Variants in RBM47 observed in about 807,000 individuals in gnomAD.
RBM47 encodes RNA binding motif protein 47.
A neutral mutation model predicts 47.1 loss-of-function variants in RBM47; 21 were observed. That is an observed-to-expected ratio of 0.45 (90% CI 0.32 to 0.64). RBM47 has a LOEUF of 0.64. RBM47 is among the 30% of genes least tolerant of loss of function. The pLI is 0.05. For missense variants in RBM47, 708 were observed against 870.9 expected, an observed-to-expected ratio of 0.81 and a Z score of 2.35; for synonymous variants, 375 against 361.7, an observed-to-expected ratio of 1.04 and a Z score of -0.42.
chr4:40,459,891 A>C (rs1406826184), intron 3 of RBM47, among the ~76,000 whole-genome samples: 1 of 152,178 alleles, frequency 6.6e-6, no homozygotes, highest in Non-Finnish European at 1.5e-5. Context: ...GGTAGCTGGG[A>C]TTATAGGCAT....
intron 1 of RBM47, among the ~76,000 whole-genome samples, chr4:40,602,271 T>C (rs1456804158): frequency 6.6e-6 from 1 of 152,174 alleles, no homozygotes; most frequent in South Asian, 2.1e-4. Flanking sequence ...AGAGATGTTC[T>C]AAAGAGGAAA....
intron 3 of RBM47, among the ~76,000 whole-genome samples, chr4:40,445,246 C>A (rs1465417936): frequency 6.7e-6 from 1 of 148,492 alleles, no homozygotes; most frequent in Non-Finnish European, 1.5e-5. Context: ...TGCACTCCAG[C>A]CTGGGCGACA....
chr4:40,430,294 G>A (rs1281878574), intron 6 of RBM47, among the ~76,000 whole-genome samples: 1 of 152,158 alleles, frequency 6.6e-6, no homozygotes, highest in Admixed American at 6.5e-5. Flanking sequence ...ACTGATAGGA[G>A]ACAGAAATAG....
intron 1 of RBM47, among the ~76,000 whole-genome samples, chr4:40,546,554 G>A (rs532694200): frequency 1.3e-5 from 2 of 152,078 alleles, no homozygotes; most frequent in South Asian, 2.1e-4. Context: ...AGACTACAAC[G>A]TACCTCTTGG....
At chr4:40,602,562 G>A (rs1272179620) in intron 1 of RBM47, among the ~76,000 whole-genome samples, 9 of 150,250 alleles carry the variant, frequency 6.0e-5, no homozygotes, top group Non-Finnish European at 8.9e-5. Flanking sequence ...GCAGGAAAAT[G>A]ACTTGAACTC....
chr4:40,432,550 G>A (rs567926183), intron 6 of RBM47, 101 bp downstream of exon 6: 4 of 1,548,368 alleles, frequency 2.6e-6, no homozygotes, highest in Non-Finnish European at 3.5e-6. Context: ...CTGTAACAGA[G>A]AGCCAGGCAC....
intron 1 of RBM47, among the ~76,000 whole-genome samples, chr4:40,593,472 C>T (rs560554298): frequency 4.6e-5 from 7 of 152,186 alleles, no homozygotes; most frequent in African/African-American, 1.2e-4. Flanking sequence ...CCAAGGGAAT[C>T]GCTTAGAAAA....
intron 1 of RBM47, among the ~76,000 whole-genome samples, chr4:40,610,546 C>G (rs954069921): frequency 7.7e-5 from 11 of 142,948 alleles, no homozygotes; most frequent in African/African-American, 2.6e-4. Flanking sequence ...GGCGGTGGAG[C>G]TTGCAGTGAG....
chr4:40,455,211 T>C (rs149851573), intron 3 of RBM47, among the ~76,000 whole-genome samples: 4 of 152,364 alleles, frequency 2.6e-5, no homozygotes, highest in East Asian at 1.9e-4. Flanking sequence ...TAAAAACCTA[T>C]GGAATTAAAT....
intron 2 of RBM47, among the ~76,000 whole-genome samples, chr4:40,540,638 CAAAA>C (rs367927651): frequency 1.9e-5 from 2 of 106,938 alleles, no homozygotes; most frequent in African/African-American, 4.0e-5. Context: ...AACTCTGTCT[CAAAA>C]AAAAAAAAAA....
chr4:40,625,830 C>T (rs543259589), intron 1 of RBM47, among the ~76,000 whole-genome samples: 10 of 152,246 alleles, frequency 6.6e-5, no homozygotes, highest in Middle Eastern at 3.4e-3. Flanking sequence ...ATAAAGCATA[C>T]ATTTTGCAGA....
At chr4:40,437,115 T>A (rs1372919588) in intron 4 of RBM47, among the ~76,000 whole-genome samples, 15 of 55,146 alleles carry the variant, frequency 2.7e-4, no homozygotes, top group African/African-American at 5.7e-4. Context: ...ATATATAAAA[T>A]ACATATATAT....
chr4:40,544,906 A>G (rs1236700506), intron 1 of RBM47, among the ~76,000 whole-genome samples: 3 of 152,146 alleles, frequency 2.0e-5, no homozygotes, highest in African/African-American at 2.4e-5. Context: ...GCCTATCTCT[A>G]CAAAAAAATT....
intron 2 of RBM47, among the ~76,000 whole-genome samples, chr4:40,532,290 G>A (rs1343079428): frequency 1.4e-5 from 2 of 143,604 alleles, no homozygotes; most frequent in South Asian, 2.2e-4. Flanking sequence ...GATTACAGAC[G>A]TGAGTCACCA....
At chr4:40,486,769 A>G (rs981292417) in intron 2 of RBM47, among the ~76,000 whole-genome samples, 7 of 152,206 alleles carry the variant, frequency 4.6e-5, no homozygotes, top group Admixed American at 3.3e-4. Flanking sequence ...AGGCAGGAGG[A>G]CTTCCCCCAT....
At chr4:40,435,875 A>G (rs1560354583) in intron 5 of RBM47, among the ~76,000 whole-genome samples, 1 of 151,728 alleles carries the variant, frequency 6.6e-6, no homozygotes, top group Non-Finnish European at 1.5e-5. Flanking sequence ...ACCTTACTGC[A>G]TGGCCAGGCG....
At chr4:40,496,722 T>A (rs1021174719) in intron 2 of RBM47, among the ~76,000 whole-genome samples, 1 of 152,294 alleles carries the variant, frequency 6.6e-6, no homozygotes, top group African/African-American at 2.4e-5. Context: ...TGGAAAGTAG[T>A]ACCATTCCTG....
chr4:40,448,899 G>C (rs1714965451), intron 3 of RBM47, among the ~76,000 whole-genome samples: 1 of 152,000 alleles, frequency 6.6e-6, no homozygotes, highest in South Asian at 2.1e-4. Context: ...AAAGGAAGAT[G>C]TTGCCCCAAA....
chr4:40,549,840 C>T (rs549490406), intron 1 of RBM47, among the ~76,000 whole-genome samples: 83 of 152,262 alleles, frequency 5.5e-4, no homozygotes, highest in African/African-American at 1.7e-3. Flanking sequence ...GCCACCACGC[C>T]TGGCTAATTT....
Sources: gnomAD v4.1 joint callset for allele counts (sites outside exome capture counted in the v4.1 genomes callset) on GRCh38, gnomAD v4.1.1 for gene constraint, MANE v1.5 for transcripts, NCBI Gene and HGNC (gene_info 2026-07-23, HGNC 2026-07-21) for gene names.